The following RMC1 variants were observed in gnomAD, a reference collection of about 807,000 sequenced individuals.
The protein encoded by RMC1 is regulator of MON1-CCZ1.
In RMC1, 44 loss-of-function variants were observed where a neutral mutation model predicts 95.5. The observed-to-expected ratio is 0.46, with a 90% confidence interval of 0.36 to 0.59. RMC1 has a LOEUF of 0.59. Among genes scored for constraint, RMC1 ranks in the 20% least tolerant of loss-of-function variants. RMC1 has a pLI of 0.00. For synonymous variants in RMC1, 320 were observed against 303.6 expected, an observed-to-expected ratio of 1.05 and a Z score of -0.56; for missense variants, 705 against 819.6, an observed-to-expected ratio of 0.86 and a Z score of 1.71.
At chr18:23,507,459 G>A (rs950016833) in intron 3 of RMC1, among the ~76,000 whole-genome samples, 1 of 152,144 alleles carries the variant, frequency 6.6e-6, no homozygotes, top group African/African-American at 2.4e-5. Flanking sequence ...GAATATGTGA[G>A]GTATTTTTGG....
At chr18:23,517,809 C>T (rs2058048539) in intron 7 of RMC1, among the ~76,000 whole-genome samples, 1 of 152,102 alleles carries the variant, frequency 6.6e-6, no homozygotes. Flanking sequence ...CCTCCGCCTT[C>T]TAGGTTCAAG....
intron 7 of RMC1, among the ~76,000 whole-genome samples, chr18:23,517,641 A>G (rs1021320814): frequency 7.2e-5 from 11 of 152,020 alleles, no homozygotes; most frequent in Non-Finnish European, 1.5e-4. Flanking sequence ...CAAACTTTCA[A>G]ACTTTATGGT....
intron 5 of RMC1, among the ~76,000 whole-genome samples, chr18:23,514,292 A>G (rs887790489): frequency 6.6e-6 from 1 of 152,160 alleles, no homozygotes; most frequent in Non-Finnish European, 1.5e-5. Flanking sequence ...GAGGTGGGCG[A>G]TCATCTGAGG....
At chr18:23,518,324 C>T (rs2058061643) in intron 7 of RMC1, among the ~76,000 whole-genome samples, 1 of 152,074 alleles carries the variant, frequency 6.6e-6, no homozygotes, top group Non-Finnish European at 1.5e-5. Context: ...GACCCTGTTT[C>T]TACAAAAAAA....
chr18:23,527,753 T>C (rs1338530231), intron 13 of RMC1, 42 bp from the exon 14 acceptor site: 2 of 1,492,614 alleles, frequency 1.3e-6, no homozygotes, highest in Non-Finnish European at 1.9e-6. Context: ...GAAGCTGACA[T>C]GAAGTTGGTT....
rs143803533 is a variant in RMC1, at chr18:23,524,141, G to A, written c.973G>A (p.Val325Met). 11 of 1,614,006 alleles carry A rather than the reference G, an allele frequency of 6.8e-6. No individual in the cohort carries two copies. The highest frequency in any genetic ancestry group is 5.3e-5 in the African/African-American group (4 of 75,034). Residue 325 changes from valine (V) to methionine (M), a missense_variant, in exon 11 of 20, where the codon GTG becomes ATG. Val to Met is a conservative substitution (Grantham distance 21). Coordinates refer to ENST00000269221, the MANE Select transcript of RMC1 (RefSeq NM_013326.5). ...TTCTCAATTTGTAGGTCCTGCTGCCGTGACCAGCCAGTCTCCTGTTCCATG... is the reference window on the plus strand; with the variant it reads ...TTCTCAATTTGTAGGTCCTGCTGCCATGACCAGCCAGTCTCCTGTTCCATG... Reference protein sequence around the residue: ...YQIPITGPAAVTSQSPVPCKL... With the variant: ...YQIPITGPAAMTSQSPVPCKL...
At chr18:23,514,918 C>T (rs2057960248) in intron 5 of RMC1, among the ~76,000 whole-genome samples, 1 of 152,150 alleles carries the variant, frequency 6.6e-6, no homozygotes, top group African/African-American at 2.4e-5. Context: ...GGGCTCTGTA[C>T]AGTGTTCTGT....
In RMC1 at chr18:23,531,801, C is replaced by A. The variant is rs1050372197; in HGVS notation, c.*97C>A. 6.5e-6 allele frequency: 10 copies of A among 1,528,258 alleles called. No homozygotes were observed. The African/African-American group carries it at 1.4e-4, about 22-fold the overall frequency. 94.7% of individuals were successfully genotyped at this position (1,528,258 alleles called of 1,614,324 possible). A position where few individuals can be genotyped will look rare whatever the true frequency, so the allele number is the denominator to read the frequency against. ...TATAAAATGTTATAAAGTGTATCTA[C>A]AACCTCAACTGTCACTAAAAATATG... On this transcript the variant is annotated 3_prime_UTR_variant, in exon 20 of 20. Transcript: ENST00000269221.
chr18:23,523,528 T>C (rs1004258725), intron 10 of RMC1, among the ~76,000 whole-genome samples: 2 of 105,792 alleles, frequency 1.9e-5, no homozygotes, highest in South Asian at 3.1e-4. Context: ...CTAGGTAACA[T>C]AGACCTTGTC....
Position 23,516,410 on chromosome 18 carries a change from G to T in RMC1, c.640G>T (p.Ala214Ser), listed in dbSNP as rs368667300. 2 of 1,614,060 alleles carry T rather than the reference G, an allele frequency of 1.2e-6. No homozygotes were observed. The highest frequency in any genetic ancestry group is 1.7e-6 in the Non-Finnish European group (2 of 1,179,936). ...ACCCAGCCTTTCCGAAAGAGACATCGCAATGGCTACCATGTATGTCCGTGT... is the reference window on the plus strand; with the variant it reads ...ACCCAGCCTTTCCGAAAGAGACATCTCAATGGCTACCATGTATGTCCGTGT... The part of the protein sequence containing the change: ...TKPSLSERDI[A>S]MATIYGQLYV... Residue 214 changes from alanine (A) to serine (S), a missense_variant, in exon 7 of 20, where the codon GCA becomes TCA. Coordinates refer to ENST00000269221, the MANE Select transcript of RMC1 (RefSeq NM_013326.5).
In RMC1 at chr18:23,530,441, G is replaced by A; in HGVS notation, c.1723G>A (p.Val575Met). ...AGAAGTTCTCCTTTCCAAACACCAA[G>A]TGTTAGCTGCCTTAAGGTTTATCCG... The part of the protein sequence containing the change: ...IVEVLLSKHQ[V>M]LAALRFIRGI... The change falls in exon 19 of 20, where the codon GTG becomes ATG. Residue 575 changes from valine (V) to methionine (M), a missense_variant. Val to Met is a conservative substitution (Grantham distance 21). Transcript: ENST00000269221. 1 of 1,614,262 alleles carries A rather than the reference G, an allele frequency of 6.2e-7. No individual in the cohort carries two copies. The highest frequency in any genetic ancestry group is 8.5e-7 in the Non-Finnish European group (1 of 1,180,052).
rs1028772434 is a variant in RMC1, at chr18:23,515,776, G to GC, written c.409-77dup. 36 of 1,553,122 alleles carry GC rather than the reference G, an allele frequency of 2.3e-5. No individual in the cohort carries two copies. The African/African-American group carries it at 4.8e-4, about 21-fold the overall frequency. ...TCGAACTCCTGACCTCAGGTGATCC[G>GC]CCCACCTTAGCCTCCCAAAGTGCTG... On this transcript the variant is annotated intron_variant, in intron 5 of 19. Coordinates refer to ENST00000269221, the MANE Select transcript of RMC1 (RefSeq NM_013326.5).
At chr18:23,507,328 C>T (rs538665259) in intron 3 of RMC1, among the ~76,000 whole-genome samples, 25 of 152,198 alleles carry the variant, frequency 1.6e-4, no homozygotes, top group South Asian at 8.3e-4. Flanking sequence ...GATGTGATCT[C>T]GGCTCACTGC....
Position 23,526,719 on chromosome 18 carries a change from C to G in RMC1, c.1143C>G (p.Leu381=), listed in dbSNP as rs1213297980. 1.9e-6 allele frequency: 3 copies of G among 1,613,970 alleles called. No homozygotes were observed. Among genetic ancestry groups the G allele is most frequent in the Admixed American group, 3.3e-5 (2 of 60,016 alleles). Residue 381 remains leucine (L), a synonymous_variant, in exon 13 of 20, where the codon CTC becomes CTG. Coordinates refer to ENST00000269221, the MANE Select transcript of RMC1 (RefSeq NM_013326.5). ...PDKGRLMDFL[L]QRKECKMVIL... ...AAGGAAGACTCATGGACTTTCTCCT[C>G]CAGAGAAAGGAATGCAAGATGGTCA... is the stretch of plus-strand genomic sequence containing the variant.
chr18:23,528,856 A>C, intron 14 of RMC1: 1 of 202,616 alleles, frequency 4.9e-6, no homozygotes, highest in Non-Finnish European at 1.0e-5. Context: ...CCCCACAGCT[A>C]TTGCATAATC....
chr18:23,526,857 C>T, intron 13 of RMC1, 92 bp downstream of exon 13: 1 of 1,501,676 alleles, frequency 6.7e-7, no homozygotes, highest in African/African-American at 1.4e-5. Flanking sequence ...ATTGTTGTGT[C>T]TTGTCTGTGA....
chr18:23,522,639 T>C (rs1311451017), intron 10 of RMC1: 3 of 152,200 alleles, frequency 2.0e-5, no homozygotes, highest in African/African-American at 7.2e-5. Context: ...CAGGACCAGT[T>C]AGGAGGCATC....
At chr18:23,509,139 G>A in intron 4 of RMC1, 54 bp from the exon 5 acceptor site, 1 of 612,658 alleles carries the variant, frequency 1.6e-6, no homozygotes, top group South Asian at 5.0e-5. Flanking sequence ...TTTGAAGAGA[G>A]TTATATGTGT....
At chr18:23,506,405 T>C (rs890537932) in intron 2 of RMC1, 1 of 151,914 alleles carries the variant, frequency 6.6e-6, no homozygotes, top group African/African-American at 2.4e-5. Flanking sequence ...AAAAAATGTA[T>C]GTATTGGAAT....
Sources: gnomAD v4.1 joint callset for allele counts (sites outside exome capture counted in the v4.1 genomes callset) on GRCh38, gnomAD v4.1.1 for gene constraint, MANE v1.5 for transcripts, NCBI Gene and HGNC (gene_info 2026-07-23, HGNC 2026-07-21) for gene names.